The following ELFN2 variants were observed in gnomAD, a reference collection of about 807,000 sequenced individuals.
ELFN2 encodes the protein protein phosphatase 1 regulatory subunit 29.
ELFN2 carries 17 observed loss-of-function variants against 45.5 expected under a neutral mutation model. The observed-to-expected ratio is 0.37, with a 90% CI of 0.26 to 0.56. The LOEUF is 0.56. Among genes scored for constraint, ELFN2 ranks in the 20% least tolerant of loss-of-function variants. ELFN2 has a pLI of 0.77. For missense variants in ELFN2, 922 were observed against 1,183.2 expected (o/e 0.78, Z 3.24); for synonymous variants, 550 against 551.5 (o/e 1.00, Z 0.04).
At chr22:37,424,309 C>T (rs747425244) in intron 1 of ELFN2, among the ~76,000 whole-genome samples, 3 of 152,292 alleles carry the variant, frequency 2.0e-5, no homozygotes, top group African/African-American at 4.8e-5. Context: ...GATGCAGATG[C>T]GGCAGGGGTG....
chr22:37,374,451 T>C lies in ELFN2; in HGVS notation c.1084A>G (p.Thr362Ala). ...AAGCGGCGGCTGTTGCGCAGCGAGG[T>C]CACGCAGAAGGTGTACTCAGTGTGC... ...RAHTEYTFCV[T>A]SLRNSRRFNH... Residue 362 changes from threonine to alanine, a missense_variant, in exon 3 of 3, where the codon ACC becomes GCC. By Grantham distance (58) the Thr-to-Ala change is moderately conservative (BLOSUM62 0). Around this residue, in one of 2 missense-constraint regions of ELFN2, gnomAD observed 358 missense variants for 540.4 expected, o/e 0.66. Coordinates refer to ENST00000402918, the MANE Select transcript of ELFN2 (RefSeq NM_052906.5). The C allele has an allele frequency of 6.2e-7, 1 of 1,613,866 alleles. No homozygotes were observed. The highest frequency in any genetic ancestry group is 8.5e-7 in the Non-Finnish European group (1 of 1,179,920).
chr22:37,403,288 A>C (rs531312442), intron 2 of ELFN2, among the ~76,000 whole-genome samples: 1 of 151,568 alleles, frequency 6.6e-6, no homozygotes, highest in South Asian at 2.1e-4. Flanking sequence ...CCAAGCCCAG[A>C]GTGAAACCCA....
chr22:37,394,525 T>C (rs975512585), intron 2 of ELFN2, among the ~76,000 whole-genome samples: 1 of 152,144 alleles, frequency 6.6e-6, no homozygotes, highest in Non-Finnish European at 1.5e-5. Context: ...GGATGACTCC[T>C]TGGTGAGTGT....
chr22:37,408,698 C>G (rs555147861), intron 2 of ELFN2, among the ~76,000 whole-genome samples: 1 of 152,194 alleles, frequency 6.6e-6, no homozygotes, highest in Non-Finnish European at 1.5e-5. Flanking sequence ...CACAGCAAGG[C>G]AGTCAGGTTC....
intron 2 of ELFN2, among the ~76,000 whole-genome samples, chr22:37,381,077 C>T (rs553873110): frequency 6.6e-6 from 1 of 152,278 alleles, no homozygotes; most frequent in South Asian, 2.1e-4. Context: ...GGCACATTAC[C>T]TAACTCCTCT....
rs6000698 is a variant in ELFN2, at chr22:37,374,750, G to T, written c.785C>A (p.Ser262Tyr). 2,847 of 1,610,996 alleles carry T rather than the reference G, an allele frequency of 1.8e-3. 44 individuals are homozygous for T. In the African/African-American group the frequency reaches 0.033, roughly 18 times the overall value. Residue 262 changes from serine to tyrosine, a missense_variant, in exon 3 of 3, where the codon TCC becomes TAC. Ser to Tyr is a moderately radical substitution (Grantham distance 144). Transcript: ENST00000402918. ...GTCTGGCTCCCTCTGGGCGTCGGTGGAGTAGGGCGTGGGGTGGCTCACGGG... is the reference window on the plus strand; with the variant it reads ...GTCTGGCTCCCTCTGGGCGTCGGTGTAGTAGGGCGTGGGGTGGCTCACGGG... The part of the protein sequence containing the change: ...ARPVSHPTPY[S>Y]TDAQREPDEN...
intron 2 of ELFN2, among the ~76,000 whole-genome samples, chr22:37,406,813 G>C (rs917322611): frequency 6.6e-6 from 1 of 152,260 alleles, no homozygotes; most frequent in African/African-American, 2.4e-5. Flanking sequence ...CAGGGGGACA[G>C]GGAGGCTTGG....
Position 37,375,553 on chromosome 22 carries a change from A to T in ELFN2, c.-19T>A. 1.3e-6 allele frequency: 2 copies of T among 1,527,396 alleles called. No homozygotes were observed. Among genetic ancestry groups the T allele is most frequent in the Non-Finnish European group, 1.8e-6 (2 of 1,135,920 alleles). 94.6% of individuals were successfully genotyped at this position (1,527,396 alleles called of 1,614,324 possible). ...GCAGCATGGCGCTGGCCTCGGAGTGAGGGGCCAGGGCAAGGCAGGGGGTGC... is the reference window on the plus strand; with the variant it reads ...GCAGCATGGCGCTGGCCTCGGAGTGTGGGGCCAGGGCAAGGCAGGGGGTGC... On this transcript the variant is annotated 5_prime_UTR_variant, in exon 3 of 3. Transcript: ENST00000402918.
chr22:37,413,105 G>A (rs1932691699), intron 2 of ELFN2, among the ~76,000 whole-genome samples: 1 of 152,120 alleles, frequency 6.6e-6, no homozygotes, highest in Non-Finnish European at 1.5e-5. Context: ...ACGGGGTGAG[G>A]TACAGGAAGA....
rs1009384332 is a variant in ELFN2 at position 37,375,654 on chromosome 22, G to A, written c.-120C>T. On this transcript the variant is annotated 5_prime_UTR_variant, in exon 3 of 3. Transcript: ENST00000402918. ...CCATCTTGGGGGCGACCCCCAGCAC[G>A]GGGGCCCCAGGCAAGGTGGGTACAG... The A allele has an allele frequency of 7.2e-6, 9 of 1,258,200 alleles. No individual in the cohort carries two copies. The highest frequency in any genetic ancestry group is 3.2e-5 in the South Asian group (2 of 63,248). 77.9% of individuals were successfully genotyped at this position (1,258,200 alleles called of 1,614,324 possible). A position where few individuals can be genotyped will look rare whatever the true frequency, so the allele number is the denominator to read the frequency against.
Position 37,393,663 on chromosome 22 carries a change from T to TG in ELFN2, c.-462-17668dup, listed in dbSNP as rs1271865833. 2.0e-5 allele frequency among the ~76,000 whole-genome samples: 3 copies of TG among 152,268 alleles called. No homozygotes were observed. In the East Asian group the frequency reaches 5.8e-4, roughly 29 times the overall value. ...TAACAGATAGGAAAGCTGAGGCCAGTGAGGTCAAGTCATCTCCCTAAGCCA... is the reference window on the plus strand; with the variant it reads ...TAACAGATAGGAAAGCTGAGGCCAGTGGAGGTCAAGTCATCTCCCTAAGCCA... On this transcript the variant is annotated intron_variant, in intron 2 of 2. Coordinates refer to ENST00000402918, the MANE Select transcript of ELFN2 (RefSeq NM_052906.5).
intron 2 of ELFN2, among the ~76,000 whole-genome samples, chr22:37,412,698 C>G (rs890151238): frequency 6.6e-6 from 1 of 152,210 alleles, no homozygotes; most frequent in African/African-American, 2.4e-5. Context: ...AGCAAGGCAC[C>G]GGGACAACCA....
intron 1 of ELFN2, among the ~76,000 whole-genome samples, chr22:37,421,163 C>G (rs1230318794): frequency 6.6e-6 from 1 of 152,122 alleles, no homozygotes; most frequent in East Asian, 1.9e-4. Context: ...TGTGGTTGTT[C>G]CTCAAACTAC....
chr22:37,356,340 A>G (rs1303581349), intron 1 of ELFN2, among the ~76,000 whole-genome samples: 1 of 152,186 alleles, frequency 6.6e-6, no homozygotes, highest in Non-Finnish European at 1.5e-5. Flanking sequence ...GGTCTACAGC[A>G]TGGGGCAGCC....
At chr22:37,382,495 G>A (rs924844885) in intron 2 of ELFN2, among the ~76,000 whole-genome samples, 16 of 150,350 alleles carry the variant, frequency 1.1e-4, no homozygotes, top group East Asian at 3.9e-4. Context: ...CGCCCGCCTC[G>A]GCCTCCCAAA....
rs1931308134 is a variant in ELFN2 at position 37,369,614 on chromosome 22, A to T, written c.*3458T>A. On this transcript the variant is annotated 3_prime_UTR_variant, in exon 3 of 3. Transcript: ENST00000402918. Reference sequence around the variant, plus strand: ...TGTGTTTTGCTACTGGAAGGCCATAAGCTCCAACAGAGGGTTAGCTGCACC... The same window carrying T: ...TGTGTTTTGCTACTGGAAGGCCATATGCTCCAACAGAGGGTTAGCTGCACC... 6.6e-6 allele frequency: 1 copy of T among 152,252 alleles called. No individual in the cohort carries two copies. The highest frequency in any genetic ancestry group is 1.5e-5 in the Non-Finnish European group (1 of 68,062). The allele number at this position is 152,252 out of a possible 1,614,324, so 9.4% of individuals were successfully genotyped here.
At position 37,370,247 on chromosome 22, in the gene ELFN2, G is replaced by C. The variant is rs932090028; in HGVS notation, c.*2825C>G. 3.9e-5 allele frequency: 6 copies of C among 152,196 alleles called. No homozygotes were observed. The highest frequency in any genetic ancestry group is 1.4e-4 in the African/African-American group (6 of 41,434). 9.4% of individuals were successfully genotyped at this position (152,196 alleles called of 1,614,324 possible). On this transcript the variant is annotated 3_prime_UTR_variant, in exon 3 of 3. Coordinates refer to ENST00000402918, the MANE Select transcript of ELFN2 (RefSeq NM_052906.5). ...TAAATATCTTCACGCAGAAAGGATGGGGAAATGGCAAGCGCAGGCCCCTAA... is the reference window on the plus strand; with the variant it reads ...TAAATATCTTCACGCAGAAAGGATGCGGAAATGGCAAGCGCAGGCCCCTAA...
intron 2 of ELFN2, among the ~76,000 whole-genome samples, chr22:37,388,041 T>G (rs1318312557): frequency 6.6e-6 from 1 of 151,344 alleles, no homozygotes; most frequent in Non-Finnish European, 1.5e-5. Flanking sequence ...CCCGCCTTGG[T>G]GCCGCCGCCT....
Position 37,372,914 on chromosome 22 carries a change from G to C in ELFN2, c.*158C>G. The C allele has an allele frequency of 1.4e-6, 1 of 714,852 alleles. No homozygotes were observed. Among genetic ancestry groups the C allele is most frequent in the Non-Finnish European group, 2.2e-6 (1 of 444,606 alleles). 44.3% of individuals were successfully genotyped at this position (714,852 alleles called of 1,614,324 possible). A position where few individuals can be genotyped will look rare whatever the true frequency, so the allele number is the denominator to read the frequency against. ...GTTGGTTTGTTCACAGTCGGGTGGT[G>C]GTCAGGTGTGTGTGTGCGTGCGTGC... On this transcript the variant is annotated 3_prime_UTR_variant, in exon 3 of 3. Transcript: ENST00000402918. The surrounding 1 kb of genome is among the most constrained non-coding windows in gnomAD (Gnocchi z 4.4).
Sources: gnomAD v4.1 joint callset for allele counts (sites outside exome capture counted in the v4.1 genomes callset) on GRCh38, gnomAD v4.1.1 for gene constraint, gnomAD v4.1.1 regional missense constraint, Gnocchi (gnomAD v3.1) non-coding constraint, MANE v1.5 for transcripts, NCBI Gene and HGNC (gene_info 2026-07-23, HGNC 2026-07-21) for gene names.